CBFA2T2: variants seen among roughly 807,000 people sequenced by gnomAD.
The protein encoded by CBFA2T2 is protein CBFA2T2.
CBFA2T2 carries 11 observed loss-of-function variants against 62.2 expected under a neutral mutation model. That is an observed-to-expected ratio of 0.18 (90% CI 0.11 to 0.29). CBFA2T2 has a LOEUF of 0.29. Ranked by LOEUF, CBFA2T2 falls within the 10% of genes least tolerant of loss-of-function variation. The probability of loss-of-function intolerance (pLI) is 1.00; values close to 1 mark genes in which losing one functional copy is unlikely to be tolerated. For synonymous variants in CBFA2T2, 295 were observed against 287.5 expected, an observed-to-expected ratio of 1.03 and a Z score of -0.27; for missense variants, 592 against 774.1, an observed-to-expected ratio of 0.76 and a Z score of 2.79.
rs75211501 is a variant in CBFA2T2, at chr20:33,566,689, C to T, written c.35-40267C>T. ...CAGAGAACCTTCCTAAAGGAGGTCG[C>T]GTTTGATCAGAATTTAGAAGGACAG... On this transcript the variant is annotated intron_variant, in intron 1 of 10. Coordinates refer to ENST00000342704, the MANE Select transcript of CBFA2T2 (RefSeq NM_001032999.3). 5.9e-3 allele frequency among the ~76,000 whole-genome samples: 901 copies of T among 152,040 alleles called. 7 individuals are homozygous for T. Among genetic ancestry groups the T allele is most frequent in the African/African-American group, 0.021 (865 of 41,456 alleles).
chr20:33,574,062 T>G, intron 1 of CBFA2T2: 9 of 1,452,998 alleles, frequency 6.2e-6, no homozygotes, highest in Non-Finnish European at 7.4e-6. Context: ...GTGCTGGGAT[T>G]ACAGGCAAGA....
intron 6 of CBFA2T2, among the ~76,000 whole-genome samples, chr20:33,627,398 G>C (rs778532556): frequency 4.6e-5 from 7 of 151,912 alleles, no homozygotes; most frequent in East Asian, 1.9e-4. Flanking sequence ...TCCGTCAAGG[G>C]GGGGGAAAAA....
At chr20:33,623,903 C>G (rs1280779412) in intron 5 of CBFA2T2, 5 of 712,342 alleles carry the variant, frequency 7.0e-6, no homozygotes, top group Admixed American at 2.0e-5. Context: ...TTCCAGAAGC[C>G]TCAGGAGTAC....
intron 1 of CBFA2T2, among the ~76,000 whole-genome samples, chr20:33,511,071 C>T (rs1317057589): frequency 1.3e-5 from 2 of 151,984 alleles, no homozygotes; most frequent in Non-Finnish European, 2.9e-5. Context: ...AAAATTTTCT[C>T]CCATTCTGTA....
intron 6 of CBFA2T2, among the ~76,000 whole-genome samples, chr20:33,627,355 C>A (rs1263762059): frequency 6.6e-6 from 1 of 152,026 alleles, no homozygotes; most frequent in Non-Finnish European, 1.5e-5. Context: ...CAAGATCACA[C>A]CGCTGCACTC....
intron 1 of CBFA2T2, among the ~76,000 whole-genome samples, chr20:33,596,593 C>A (rs1394619044): frequency 1.3e-5 from 2 of 152,030 alleles, no homozygotes; most frequent in Non-Finnish European, 2.9e-5. Context: ...CTTTCATGAT[C>A]TCTAAGAGTG....
At chr20:33,632,029 T>C (rs527764950) in intron 8 of CBFA2T2, among the ~76,000 whole-genome samples, 100 of 152,248 alleles carry the variant, frequency 6.6e-4, no homozygotes, top group African/African-American at 2.3e-3. Context: ...AAATTAGTTC[T>C]TTTTGTTTGT....
Position 33,526,220 on chromosome 20 carries a change from A to T in CBFA2T2, c.34+35919A>T, listed in dbSNP as rs80041825. Reference sequence around the variant, plus strand: ...ATTTTAAGTAAGGTGTTAACACTATATAATTCATCTGTGTAACCCAAAACT... The same window carrying T: ...ATTTTAAGTAAGGTGTTAACACTATTTAATTCATCTGTGTAACCCAAAACT... On this transcript the variant is annotated intron_variant, in intron 1 of 10. Transcript: ENST00000342704. 4.2e-3 allele frequency among the ~76,000 whole-genome samples: 640 copies of T among 152,320 alleles called. 4 individuals are homozygous for T. Among genetic ancestry groups the T allele is most frequent in the African/African-American group, 0.014 (594 of 41,584 alleles).
chr20:33,562,584 A>G, intron 1 of CBFA2T2: 2 of 985,862 alleles, frequency 2.0e-6, no homozygotes, highest in Non-Finnish European at 2.4e-6. Context: ...TTTGAAGATT[A>G]GGAGGAGAAA....
chr20:33,640,262 C>G (rs1436486682), intron 9 of CBFA2T2, 79 bp from the exon 10 acceptor site: 2 of 1,301,460 alleles, frequency 1.5e-6, no homozygotes, highest in Non-Finnish European at 2.1e-6. Flanking sequence ...TGTGTCAGCT[C>G]TCTCCTTACT....
intron 1 of CBFA2T2, among the ~76,000 whole-genome samples, chr20:33,505,738 G>T (rs1442564702): frequency 6.6e-6 from 1 of 151,674 alleles, no homozygotes; most frequent in Non-Finnish European, 1.5e-5. Context: ...CCGAGATCGC[G>T]CCATTGCACT....
chr20:33,615,716 G>A (rs571430974), intron 3 of CBFA2T2, among the ~76,000 whole-genome samples: 2 of 152,082 alleles, frequency 1.3e-5, no homozygotes, highest in Non-Finnish European at 2.9e-5. Flanking sequence ...TTGTGAGCCT[G>A]GGGGACAGAG....
At position 33,640,760 on chromosome 20, in the gene CBFA2T2, G is replaced by T. The variant is rs58664587; in HGVS notation, c.1488+229G>T. Among the ~76,000 whole-genome samples, 1,024 of 151,760 alleles carry T rather than the reference G, an allele frequency of 6.7e-3. 11 individuals are homozygous for T. The highest frequency in any genetic ancestry group is 0.021 in the African/African-American group (857 of 41,170). On this transcript the variant is annotated intron_variant, in intron 10 of 10. Transcript: ENST00000342704. ...TTACATACATACATATATATATAGA[G>T]AGAGAGAGAGAGGCTCAGTGTATTG... is the stretch of plus-strand genomic sequence containing the variant.
chr20:33,608,256 ACT>A (rs774117539), intron 2 of CBFA2T2, among the ~76,000 whole-genome samples: 2 of 152,116 alleles, frequency 1.3e-5, no homozygotes, highest in East Asian at 3.9e-4. Context: ...TCACTTTGAC[ACT>A]CTGCAGATCT....
Position 33,636,735 on chromosome 20 carries a change from T to C in CBFA2T2, c.1297+27T>C, listed in dbSNP as rs370901052. 3.1e-5 allele frequency: 48 copies of C among 1,529,556 alleles called. No homozygotes were observed. The African/African-American group carries it at 5.0e-4, about 16-fold the overall frequency. 94.7% of individuals were successfully genotyped at this position (1,529,556 alleles called of 1,614,324 possible). A position where few individuals can be genotyped will look rare whatever the true frequency, so the allele number is the denominator to read the frequency against. ...TATGTGTCTGACTGCTTGTAGGTCA[T>C]ACATACTCACTAATTTGTGGGAGCA... On this transcript the variant is annotated intron_variant, in intron 9 of 10. Coordinates refer to ENST00000342704, the MANE Select transcript of CBFA2T2 (RefSeq NM_001032999.3).
At chr20:33,587,460 C>G (rs1030802868) in intron 1 of CBFA2T2, among the ~76,000 whole-genome samples, 1 of 151,926 alleles carries the variant, frequency 6.6e-6, no homozygotes, top group South Asian at 2.1e-4. Context: ...TAGAGACAGG[C>G]TTTCACCGTG....
At chr20:33,605,497 A>C (rs1035077319) in intron 1 of CBFA2T2, among the ~76,000 whole-genome samples, 3 of 152,226 alleles carry the variant, frequency 2.0e-5, no homozygotes, top group Non-Finnish European at 1.5e-5. Context: ...AACTTGTTAG[A>C]TATATTAGAA....
At chr20:33,599,809 G>A (rs113690861) in intron 1 of CBFA2T2, among the ~76,000 whole-genome samples, 21,684 of 152,090 alleles carry the variant, frequency 0.14, 2,008 homozygotes, top group East Asian at 0.39. Flanking sequence ...GGCCAGGCTG[G>A]TCTTGAACTC....
chr20:33,611,046 C>A, intron 2 of CBFA2T2, 48 bp from the exon 3 acceptor site: 2 of 1,599,092 alleles, frequency 1.3e-6, no homozygotes, highest in East Asian at 2.2e-5. Context: ...AACAAAGGTT[C>A]CCTTGTTTTA....
Sources: allele counts gnomAD v4.1 joint callset (sites outside exome capture counted in the v4.1 genomes callset), GRCh38; gene constraint gnomAD v4.1.1; transcripts MANE v1.5; gene names NCBI Gene and HGNC (gene_info 2026-07-23, HGNC 2026-07-21).